The following ERBB4 variants were observed in gnomAD, a reference collection of about 807,000 sequenced individuals.
ERBB4 encodes the protein receptor tyrosine-protein kinase erbB-4.
A neutral mutation model predicts 158.0 loss-of-function variants in ERBB4; 42 were observed. The observed-to-expected ratio is 0.27, with a 90% CI of 0.21 to 0.34. ERBB4 has a LOEUF of 0.34. Among genes scored for constraint, ERBB4 ranks in the 10% least tolerant of loss-of-function variants. The probability of loss-of-function intolerance (pLI) is 1.00; values close to 1 mark genes in which losing one functional copy is unlikely to be tolerated. For missense variants in ERBB4, 1,333 were observed against 1,624.1 expected (o/e 0.82, Z 3.08); for synonymous variants, 583 against 558.7 (o/e 1.04, Z -0.61).
intron 1 of ERBB4, among the ~76,000 whole-genome samples, chr2:212,190,485 G>A (rs1163080716): frequency 2.0e-5 from 3 of 150,954 alleles, no homozygotes; most frequent in South Asian, 4.2e-4. Context: ...TGCAGTGAGC[G>A]GAGATCGTGC....
chr2:212,250,794 G>GA (rs200400420), intron 1 of ERBB4, among the ~76,000 whole-genome samples: 28 of 151,206 alleles, frequency 1.9e-4, no homozygotes, highest in African/African-American at 4.8e-4. Flanking sequence ...AGATTATGGT[G>GA]AAAAAAAACC....
chr2:212,047,119 A>G (rs1358127762), intron 2 of ERBB4, among the ~76,000 whole-genome samples: 1 of 152,172 alleles, frequency 6.6e-6, no homozygotes, highest in Non-Finnish European at 1.5e-5. Context: ...TTTTAACTGC[A>G]TATTATATAT....
chr2:211,705,008 G>GT (rs1328375237), intron 10 of ERBB4, among the ~76,000 whole-genome samples: 1 of 152,136 alleles, frequency 6.6e-6, no homozygotes, highest in Non-Finnish European at 1.5e-5. Context: ...CCAGGCTGGA[G>GT]TGCAGCAGCG....
intron 2 of ERBB4, among the ~76,000 whole-genome samples, chr2:212,121,577 A>C (rs1288285087): frequency 6.6e-6 from 1 of 152,114 alleles, no homozygotes; most frequent in Non-Finnish European, 1.5e-5. Context: ...ACCTTATCCA[A>C]TTACAAAATG....
chr2:212,086,790 G>T (rs1250591600), intron 2 of ERBB4, among the ~76,000 whole-genome samples: 1 of 152,024 alleles, frequency 6.6e-6, no homozygotes, highest in Non-Finnish European at 1.5e-5. Context: ...AAACTGTTAG[G>T]AGAAGGGAGA....
intron 4 of ERBB4, among the ~76,000 whole-genome samples, chr2:211,767,769 C>G (rs1426988829): frequency 1.3e-5 from 2 of 152,138 alleles, no homozygotes; most frequent in Non-Finnish European, 1.5e-5. Context: ...CCCACTGGGT[C>G]CCTCCTATAA....
intron 1 of ERBB4, among the ~76,000 whole-genome samples, chr2:212,149,483 A>C (rs1279888734): frequency 6.6e-6 from 1 of 152,238 alleles, no homozygotes; most frequent in Non-Finnish European, 1.5e-5. Context: ...ATTTGAAGGC[A>C]ACAAGTCTAC....
At chr2:211,394,270 C>A (rs2062865449) in intron 25 of ERBB4, among the ~76,000 whole-genome samples, 1 of 152,136 alleles carries the variant, frequency 6.6e-6, no homozygotes, top group African/African-American at 2.4e-5. Flanking sequence ...CATTGCTTAG[C>A]TTCATTCAAG....
chr2:211,446,383 G>T (rs186567669), intron 20 of ERBB4, among the ~76,000 whole-genome samples: 1 of 152,288 alleles, frequency 6.6e-6, no homozygotes, highest in African/African-American at 2.4e-5. Context: ...ATACTAGCAG[G>T]TAAGTGAGAC....
At chr2:211,968,754 C>CT (rs2081373001) in intron 2 of ERBB4, among the ~76,000 whole-genome samples, 1 of 151,812 alleles carries the variant, frequency 6.6e-6, no homozygotes, top group East Asian at 1.9e-4. Flanking sequence ...GCATTTTCTT[C>CT]TTTTTTATTT....
At chr2:212,436,853 G>A (rs150071309) in intron 1 of ERBB4, among the ~76,000 whole-genome samples, 1 of 152,090 alleles carries the variant, frequency 6.6e-6, no homozygotes, top group East Asian at 1.9e-4. Context: ...ATTCCAGCAG[G>A]CAAAGAATGG....
chr2:212,056,615 A>G (rs1004882076), intron 2 of ERBB4, among the ~76,000 whole-genome samples: 8 of 152,116 alleles, frequency 5.3e-5, no homozygotes, highest in African/African-American at 1.7e-4. Flanking sequence ...GAGAGTGGAG[A>G]CCAATATTCA....
At chr2:211,903,725 TA>T (rs898554939) in intron 3 of ERBB4, among the ~76,000 whole-genome samples, 1 of 150,930 alleles carries the variant, frequency 6.6e-6, no homozygotes, top group Non-Finnish European at 1.5e-5. Context: ...AATATACTGA[TA>T]AAAAAAGAGG....
intron 3 of ERBB4, among the ~76,000 whole-genome samples, chr2:211,914,820 T>C (rs191444029): frequency 1.6e-3 from 249 of 152,272 alleles, no homozygotes; most frequent in African/African-American, 5.8e-3. Context: ...TAAGTATTTA[T>C]TCTTATCAAT....
chr2:211,869,313 T>C (rs1267902353), intron 3 of ERBB4, among the ~76,000 whole-genome samples: 2 of 152,200 alleles, frequency 1.3e-5, no homozygotes, highest in Non-Finnish European at 2.9e-5. Flanking sequence ...CTTTCTACAA[T>C]CACTGTCATC....
intron 3 of ERBB4, among the ~76,000 whole-genome samples, chr2:211,916,574 G>C (rs1359364546): frequency 6.6e-6 from 1 of 152,042 alleles, no homozygotes; most frequent in Non-Finnish European, 1.5e-5. Flanking sequence ...ATATGTGATA[G>C]AAAATTAATA....
intron 2 of ERBB4, among the ~76,000 whole-genome samples, chr2:212,087,630 G>A (rs2078655845): frequency 6.6e-6 from 1 of 152,014 alleles, no homozygotes; most frequent in African/African-American, 2.4e-5. Flanking sequence ...GCACTCTAGT[G>A]GAAAGAGTTC....
intron 1 of ERBB4, among the ~76,000 whole-genome samples, chr2:212,408,311 A>C (rs1348214524): frequency 6.6e-6 from 1 of 151,616 alleles, no homozygotes; most frequent in African/African-American, 2.4e-5. Flanking sequence ...CTCATTGTTC[A>C]GCTCCCACTT....
intron 2 of ERBB4, among the ~76,000 whole-genome samples, chr2:212,084,111 C>T (rs902402956): frequency 6.6e-6 from 1 of 151,876 alleles, no homozygotes; most frequent in Non-Finnish European, 1.5e-5. Context: ...GCTCCCTCTT[C>T]ATCCGTGCAA....
Sources: allele counts gnomAD v4.1 joint callset (sites outside exome capture counted in the v4.1 genomes callset), GRCh38; gene constraint gnomAD v4.1.1; transcripts MANE v1.5; gene names NCBI Gene and HGNC (gene_info 2026-07-23, HGNC 2026-07-21).